Variants in CNTNAP5 observed in about 807,000 individuals in gnomAD.
CNTNAP5 encodes contactin-associated protein-like 5.
A neutral mutation model predicts 150.2 loss-of-function variants in CNTNAP5; 72 were observed. The observed-to-expected ratio is 0.48, with a 90% CI of 0.40 to 0.58. The LOEUF is 0.58. Among genes scored for constraint, CNTNAP5 ranks in the 20% least tolerant of loss-of-function variants. CNTNAP5 has a pLI of 0.00. For synonymous variants in CNTNAP5, 672 were observed against 619.8 expected, an observed-to-expected ratio of 1.08 and a Z score of -1.25; for missense variants, 1,636 against 1,626.2, an observed-to-expected ratio of 1.01 and a Z score of -0.10.
intron 1 of CNTNAP5, among the ~76,000 whole-genome samples, chr2:124,156,464 G>T (rs1429906998): frequency 6.6e-6 from 1 of 152,170 alleles, no homozygotes; most frequent in Non-Finnish European, 1.5e-5. Context: ...GGCCTGGATG[G>T]CAGACCCTCA....
At chr2:124,088,138 G>GT (rs1227600150) in intron 1 of CNTNAP5, among the ~76,000 whole-genome samples, 3 of 151,992 alleles carry the variant, frequency 2.0e-5, no homozygotes, top group South Asian at 2.1e-4. Context: ...TCTACTTTCT[G>GT]TTTTTCAGAT....
chr2:124,241,694 A>G (rs1040865658), intron 2 of CNTNAP5, among the ~76,000 whole-genome samples: 2 of 152,114 alleles, frequency 1.3e-5, no homozygotes, highest in Non-Finnish European at 2.9e-5. Flanking sequence ...TCATCTTTGT[A>G]TCTGCAGCAC....
intron 3 of CNTNAP5, among the ~76,000 whole-genome samples, chr2:124,259,375 T>C (rs188930189): frequency 5.6e-4 from 85 of 152,262 alleles, no homozygotes; most frequent in African/African-American, 2.0e-3. Context: ...ATATACCCAG[T>C]AATGGGATGG....
intron 13 of CNTNAP5, among the ~76,000 whole-genome samples, chr2:124,685,715 T>G (rs1220658299): frequency 2.0e-5 from 3 of 151,136 alleles, no homozygotes; most frequent in Non-Finnish European, 4.4e-5. Flanking sequence ...CTAAAGAGTC[T>G]GTAGACACCC....
At chr2:124,568,730 CTA>C (rs1435055401) in intron 11 of CNTNAP5, among the ~76,000 whole-genome samples, 8 of 152,262 alleles carry the variant, frequency 5.3e-5, no homozygotes, top group Middle Eastern at 3.4e-3. Context: ...GTAGCCAGCA[CTA>C]TGTTAAGCAT....
chr2:124,207,789 A>G (rs977130653), intron 1 of CNTNAP5, among the ~76,000 whole-genome samples: 1 of 152,214 alleles, frequency 6.6e-6, no homozygotes, highest in African/African-American at 2.4e-5. Context: ...CTGTTCATGC[A>G]TAATTTGAAG....
At chr2:124,095,404 A>C (rs1682911327) in intron 1 of CNTNAP5, among the ~76,000 whole-genome samples, 3 of 152,204 alleles carry the variant, frequency 2.0e-5, no homozygotes, top group African/African-American at 7.2e-5. Flanking sequence ...TGCGGGTCTT[A>C]AAAGCTAGAT....
chr2:124,148,668 A>G (rs1356010618), intron 1 of CNTNAP5, among the ~76,000 whole-genome samples: 3 of 150,314 alleles, frequency 2.0e-5, no homozygotes, highest in Non-Finnish European at 4.4e-5. Context: ...CCACTAATGC[A>G]TATTATATGA....
chr2:124,156,654 C>A (rs990397158), intron 1 of CNTNAP5, among the ~76,000 whole-genome samples: 1 of 152,134 alleles, frequency 6.6e-6, no homozygotes, highest in Non-Finnish European at 1.5e-5. Flanking sequence ...CGCCACCATA[C>A]CTGGCTAATT....
chr2:124,588,128 C>T lies in CNTNAP5; in HGVS notation c.1757-21673C>T, dbSNP rs1696584969. On this transcript the variant is annotated intron_variant, in intron 11 of 23. Coordinates refer to ENST00000682447, the MANE Select transcript of CNTNAP5 (RefSeq NM_001367498.1). Reference sequence around the variant, plus strand: ...CTTCCTTCCCTCCTTTTCCTTCCTTCCTTTTCCTTCCTTCCTTCCTTCCTT... The same window carrying T: ...CTTCCTTCCCTCCTTTTCCTTCCTTTCTTTTCCTTCCTTCCTTCCTTCCTT... 2.0e-5 allele frequency among the ~76,000 whole-genome samples: 3 copies of T among 146,566 alleles called. No homozygotes were observed. The South Asian group carries it at 6.7e-4, about 33-fold the overall frequency.
chr2:124,318,969 C>G (rs1253207924), intron 3 of CNTNAP5, among the ~76,000 whole-genome samples: 1 of 152,154 alleles, frequency 6.6e-6, no homozygotes, highest in Non-Finnish European at 1.5e-5. Context: ...GGTAACTCCC[C>G]TCTTTTGCGA....
At chr2:124,229,029 T>C (rs910454929) in intron 2 of CNTNAP5, among the ~76,000 whole-genome samples, 1 of 152,112 alleles carries the variant, frequency 6.6e-6, no homozygotes, top group African/African-American at 2.4e-5. Flanking sequence ...TGGCAAACAT[T>C]GAACATAAAG....
intron 13 of CNTNAP5, among the ~76,000 whole-genome samples, chr2:124,689,692 C>T (rs944994466): frequency 6.6e-6 from 1 of 151,898 alleles, no homozygotes; most frequent in East Asian, 1.9e-4. Context: ...TTGGGTGGGG[C>T]AATGGAATCA....
intron 7 of CNTNAP5, among the ~76,000 whole-genome samples, chr2:124,480,831 C>T (rs971463052): frequency 5.9e-5 from 9 of 152,206 alleles, no homozygotes; most frequent in African/African-American, 2.4e-5. Context: ...GCTGTATGCT[C>T]CTCATACCCA....
At chr2:124,762,581 G>A (rs2104599051) in intron 14 of CNTNAP5, among the ~76,000 whole-genome samples, 1 of 152,232 alleles carries the variant, frequency 6.6e-6, no homozygotes, top group East Asian at 1.9e-4. Flanking sequence ...AAACCCATCA[G>A]TCACTGTGAT....
intron 13 of CNTNAP5, among the ~76,000 whole-genome samples, chr2:124,657,029 G>T (rs34746395): frequency 0.25 from 37,865 of 152,048 alleles, 4,970 homozygotes; most frequent in African/African-American, 0.33. Flanking sequence ...AGGCCCTCTG[G>T]ACACTGCTGT....
chr2:124,122,785 CA>C (rs1683596061), intron 1 of CNTNAP5, among the ~76,000 whole-genome samples: 21 of 149,134 alleles, frequency 1.4e-4, no homozygotes, highest in South Asian at 2.1e-4. Flanking sequence ...CACACACACA[CA>C]CACACACCCA....
At chr2:124,101,622 T>C (rs1558755806) in intron 1 of CNTNAP5, among the ~76,000 whole-genome samples, 1 of 152,190 alleles carries the variant, frequency 6.6e-6, no homozygotes. Context: ...AAGAGCAAGT[T>C]CAGATAAGGC....
intron 1 of CNTNAP5, among the ~76,000 whole-genome samples, chr2:124,186,774 C>A (rs1685343000): frequency 1.3e-5 from 2 of 152,156 alleles, no homozygotes; most frequent in East Asian, 1.9e-4. Context: ...CTTTCAGAAC[C>A]ACCAGGGCCC....
Sources: allele counts gnomAD v4.1 joint callset (sites outside exome capture counted in the v4.1 genomes callset), GRCh38; gene constraint gnomAD v4.1.1; transcripts MANE v1.5; gene names NCBI Gene and HGNC (gene_info 2026-07-23, HGNC 2026-07-21).